Variants in USP28 observed in about 807,000 individuals in gnomAD.
The protein encoded by USP28 is ubiquitin carboxyl-terminal hydrolase 28.
In USP28, 113 loss-of-function variants were observed where a neutral mutation model predicts 145.0. The ratio of observed to expected loss-of-function variants is 0.78; its 90% CI spans 0.67 to 0.91. The LOEUF is 0.91. USP28 is among the 40% of genes least tolerant of loss of function. The probability of loss-of-function intolerance (pLI) is 0.00; values close to 1 mark genes in which losing one functional copy is unlikely to be tolerated. For missense variants in USP28, 1,201 were observed against 1,289.6 expected, an observed-to-expected ratio of 0.93 and a Z score of 1.05; for synonymous variants, 447 against 450.9, an observed-to-expected ratio of 0.99 and a Z score of 0.11.
At chr11:113,814,047 G>T in intron 14 of USP28, 92 bp from the exon 15 acceptor site, 1 of 912,504 alleles carries the variant, frequency 1.1e-6, no homozygotes, top group Non-Finnish European at 1.7e-6. Flanking sequence ...TATTGCTAGG[G>T]TCCTAATGAT....
exon 14 of USP28, chr11:113,815,333 G>A (rs1565359780): frequency 6.8e-6 from 11 of 1,614,134 alleles, no homozygotes; most frequent in Non-Finnish European, 9.3e-6. Context: ...GAATCTTCAG[G>A]AGAAGAAAAG....
At chr11:113,799,233 T>A in exon 25 of USP28, 2 of 1,611,468 alleles carry the variant, frequency 1.2e-6, no homozygotes, top group Non-Finnish European at 1.7e-6. Flanking sequence ...CTTGAACATG[T>A]GGGAGCTTAT....
At chr11:113,833,318 C>T (rs991525203) in intron 7 of USP28, 102 bp downstream of exon 7, 30 of 1,476,502 alleles carry the variant, frequency 2.0e-5, no homozygotes, top group Non-Finnish European at 2.6e-5. Flanking sequence ...CATAGTCCTG[C>T]TTAGTCATGT....
intron 7 of USP28, 22 bp from the exon 8 acceptor site, chr11:113,832,015 C>A (rs193212405): frequency 1.2e-6 from 2 of 1,606,580 alleles, no homozygotes; most frequent in Non-Finnish European, 1.7e-6. Context: ...GCACAAATTG[C>A]ATAAAAGTTA....
chr11:113,807,551 C>G (rs1469081207), intron 18 of USP28, among the ~76,000 whole-genome samples: 2 of 152,148 alleles, frequency 1.3e-5, no homozygotes, highest in African/African-American at 4.8e-5. Context: ...CTTCAATCCA[C>G]ATTTGTTTAG....
intron 5 of USP28, among the ~76,000 whole-genome samples, 189 bp downstream of exon 5, chr11:113,840,406 ACAG>A (rs1447890357): frequency 7.2e-5 from 11 of 152,204 alleles, no homozygotes; most frequent in African/African-American, 2.7e-4. Context: ...ATTTACAACC[ACAG>A]CAGATTTCTT....
intron 24 of USP28, 81 bp downstream of exon 25, chr11:113,801,402 G>T: frequency 1.8e-6 from 2 of 1,139,534 alleles, no homozygotes; most frequent in Non-Finnish European, 2.4e-6. Flanking sequence ...AAAAAGGTTT[G>T]GCAACCAGTG....
chr11:113,798,282 G>A (rs1315590798), exon 25 of USP28: 2 of 152,016 alleles, frequency 1.3e-5, no homozygotes, highest in African/African-American at 2.4e-5. Context: ...AGGTGTGGTG[G>A]TGCATGCCCG....
intron 12 of USP28, chr11:113,822,490 GAGAGA>G (rs1942772595): frequency 6.8e-6 from 1 of 147,260 alleles, no homozygotes; most frequent in Non-Finnish European, 1.5e-5. Context: ...GAGAGAGAGA[GAGAGA>G]GAGAGATGGG....
intron 3 of USP28, among the ~76,000 whole-genome samples, chr11:113,842,546 C>T (rs1945322271): frequency 6.7e-6 from 1 of 150,346 alleles, no homozygotes; most frequent in Non-Finnish European, 1.5e-5. Context: ...GACCACGCCA[C>T]TGCACTCCAG....
chr11:113,829,589 A>C (rs901511046), intron 9 of USP28: 6 of 432,886 alleles, frequency 1.4e-5, no homozygotes, highest in South Asian at 5.7e-5. Context: ...CCACTTTGGG[A>C]GGCCAAGGTG....
chr11:113,875,274 C>A (rs1161329378), intron 1 of USP28, among the ~76,000 whole-genome samples, 171 bp downstream of exon 1: 1 of 152,074 alleles, frequency 6.6e-6, no homozygotes, highest in Non-Finnish European at 1.5e-5. Flanking sequence ...TCTCCGCGGC[C>A]CGAGCCCCGC....
intron 4 of USP28, among the ~76,000 whole-genome samples, chr11:113,841,156 C>G (rs1325331967): frequency 6.6e-6 from 1 of 152,152 alleles, no homozygotes; most frequent in Non-Finnish European, 1.5e-5. Flanking sequence ...GCCCTGTGTT[C>G]CCTGAAATAA....
At chr11:113,811,275 G>A (rs1256815143) in intron 16 of USP28, among the ~76,000 whole-genome samples, 1 of 152,148 alleles carries the variant, frequency 6.6e-6, no homozygotes, top group Non-Finnish European at 1.5e-5. Flanking sequence ...TAAGTTCTTA[G>A]AGAAATAAAA....
At chr11:113,832,301 G>A (rs1244625120) in intron 7 of USP28, among the ~76,000 whole-genome samples, 1 of 151,922 alleles carries the variant, frequency 6.6e-6, no homozygotes, top group African/African-American at 2.4e-5. Flanking sequence ...GCTGAGACGG[G>A]GTTTCACCAT....
intron 1 of USP28, among the ~76,000 whole-genome samples, chr11:113,866,952 A>G (rs1421621799): frequency 6.7e-6 from 1 of 148,328 alleles, no homozygotes; most frequent in East Asian, 2.0e-4. Flanking sequence ...GTGGAATATT[A>G]CTCAGTGATT....
At chr11:113,863,335 C>T (rs1465180416) in intron 1 of USP28, among the ~76,000 whole-genome samples, 3 of 152,086 alleles carry the variant, frequency 2.0e-5, no homozygotes, top group Non-Finnish European at 2.9e-5. Context: ...GGTAAAAAAC[C>T]TGGGCCGGGC....
chr11:113,839,457 C>T (rs1422843161), intron 5 of USP28, among the ~76,000 whole-genome samples: 5 of 152,092 alleles, frequency 3.3e-5, no homozygotes, highest in Non-Finnish European at 5.9e-5. Context: ...TGGTGGCACA[C>T]GCCTGTCATC....
chr11:113,852,572 G>C (rs1328993847), exon 3 of USP28: 7 of 1,613,972 alleles, frequency 4.3e-6, no homozygotes, highest in African/African-American at 4.0e-5. Context: ...GTCTTGACTG[G>C]GCTCCTTAAC....
Sources: allele counts gnomAD v4.1 joint callset (sites outside exome capture counted in the v4.1 genomes callset), GRCh38; gene constraint gnomAD v4.1.1; transcripts MANE v1.5; gene names NCBI Gene and HGNC (gene_info 2026-07-23, HGNC 2026-07-21).